CADPS2: variants seen among roughly 807,000 people sequenced by gnomAD.
The protein encoded by CADPS2 is calcium dependent secretion activator 2.
CADPS2 carries 93 observed loss-of-function variants against 172.5 expected under a neutral mutation model. That is an observed-to-expected ratio of 0.54 (90% CI 0.46 to 0.64). The LOEUF (loss-of-function observed/expected upper bound fraction) is 0.64. Ranked by LOEUF, CADPS2 falls within the 30% of genes least tolerant of loss-of-function variation. The probability of loss-of-function intolerance (pLI) is 0.00; values close to 1 mark genes in which losing one functional copy is unlikely to be tolerated. For missense variants in CADPS2, 1,420 were observed against 1,565.9 expected (o/e 0.91, Z 1.57); for synonymous variants, 546 against 555.2 (o/e 0.98, Z 0.23).
chr7:122,342,094 TAA>T (rs1176475725), intron 28 of CADPS2, among the ~76,000 whole-genome samples: 2 of 152,170 alleles, frequency 1.3e-5, no homozygotes, highest in Non-Finnish European at 1.5e-5. Context: ...AGATTTGATG[TAA>T]AAAAATTAAA....
Position 122,737,072 on chromosome 7 carries a change from C to A in CADPS2, c.340-4G>T. 1.3e-6 allele frequency: 2 copies of A among 1,530,964 alleles called. No homozygotes were observed. Among genetic ancestry groups the A allele is most frequent in the African/African-American group, 1.4e-5 (1 of 72,792 alleles). 94.8% of individuals were successfully genotyped at this position (1,530,964 alleles called of 1,614,324 possible). On this transcript the variant is annotated splice_region_variant and splice_polypyrimidine_tract_variant and intron_variant, in intron 1 of 29. Transcript: ENST00000449022. ...ACTGCAACTGTTGTTTGTTAAGCTA[C>A]AAGAAAAAGAGAAAATAAGCAGATA...
chr7:122,367,324 G>A (rs1002659550), intron 25 of CADPS2, among the ~76,000 whole-genome samples: 7 of 151,802 alleles, frequency 4.6e-5, no homozygotes, highest in Non-Finnish European at 8.8e-5. Flanking sequence ...ATATATACCC[G>A]TATATCTGTA....
chr7:122,321,728 C>T (rs1393538863), intron 29 of CADPS2, among the ~76,000 whole-genome samples: 1 of 151,920 alleles, frequency 6.6e-6, no homozygotes, highest in Non-Finnish European at 1.5e-5. Context: ...GATCCGCCCA[C>T]CCCAGCCTCC....
chr7:122,358,656 A>T (rs2151110811), intron 27 of CADPS2, among the ~76,000 whole-genome samples: 2 of 152,238 alleles, frequency 1.3e-5, no homozygotes, highest in East Asian at 3.9e-4. Context: ...TTTTCTCATG[A>T]GACTCTCTTA....
chr7:122,880,602 G>A (rs1310938588), intron 1 of CADPS2, among the ~76,000 whole-genome samples: 2 of 152,094 alleles, frequency 1.3e-5, no homozygotes, highest in African/African-American at 4.8e-5. Flanking sequence ...AACCTTGACT[G>A]TACACTGAAA....
chr7:122,455,687 T>C (rs1321627263), intron 14 of CADPS2, among the ~76,000 whole-genome samples: 1 of 152,134 alleles, frequency 6.6e-6, no homozygotes, highest in Non-Finnish European at 1.5e-5. Flanking sequence ...TAACAGGGTA[T>C]AAATTATTTG....
chr7:122,501,900 G>GAAAAAAAAAAAAAAAAAAAAAA (rs377560103), intron 9 of CADPS2, among the ~76,000 whole-genome samples: 2 of 136,666 alleles, frequency 1.5e-5, no homozygotes, highest in African/African-American at 2.7e-5. Context: ...AAAAAAAAAG[G>GAAAAAAAAAAAAAAAAAAAAAA]AAAAAAAAAG....
intron 6 of CADPS2, among the ~76,000 whole-genome samples, chr7:122,593,530 G>A (rs765773958): frequency 2.0e-5 from 3 of 151,926 alleles, no homozygotes; most frequent in Non-Finnish European, 2.9e-5. Context: ...CAATGAAAAT[G>A]ATTCATGTTA....
At chr7:122,528,534 T>A (rs189397952) in intron 8 of CADPS2, among the ~76,000 whole-genome samples, 15 of 152,240 alleles carry the variant, frequency 9.9e-5, no homozygotes, top group African/African-American at 3.6e-4. Flanking sequence ...GGAGAATGAA[T>A]AACTAAGTAA....
chr7:122,629,040 T>C (rs2076330666), intron 4 of CADPS2, among the ~76,000 whole-genome samples: 1 of 152,016 alleles, frequency 6.6e-6, no homozygotes, highest in Non-Finnish European at 1.5e-5. Context: ...AGTTCACATA[T>C]TAAGGATGAG....
chr7:122,720,981 T>A (rs937111853), intron 2 of CADPS2, among the ~76,000 whole-genome samples: 22 of 152,162 alleles, frequency 1.4e-4, no homozygotes, highest in African/African-American at 5.1e-4. Flanking sequence ...TTAACATACT[T>A]AATCTTAATT....
intron 3 of CADPS2, among the ~76,000 whole-genome samples, chr7:122,657,652 T>A (rs564749182): frequency 2.6e-5 from 4 of 152,214 alleles, no homozygotes; most frequent in Non-Finnish European, 5.9e-5. Context: ...TTTTTGCACA[T>A]TGATTTTGTA....
At chr7:122,402,796 G>A (rs1357682733) in intron 20 of CADPS2, among the ~76,000 whole-genome samples, 1 of 152,120 alleles carries the variant, frequency 6.6e-6, no homozygotes, top group Non-Finnish European at 1.5e-5. Context: ...GACTGATGCC[G>A]ATGTAAGCAA....
At chr7:122,675,043 GA>G (rs753189910) in intron 2 of CADPS2, among the ~76,000 whole-genome samples, 64 of 152,030 alleles carry the variant, frequency 4.2e-4, no homozygotes, top group Non-Finnish European at 7.9e-4. Flanking sequence ...TTTTTACGTG[GA>G]AACATTTTAC....
chr7:122,499,526 C>G (rs2059026688), intron 9 of CADPS2, among the ~76,000 whole-genome samples: 1 of 152,074 alleles, frequency 6.6e-6, no homozygotes, highest in Admixed American at 6.6e-5. Flanking sequence ...AAAAGGAATT[C>G]TTAATATTAC....
chr7:122,479,967 C>T (rs1049505745), intron 12 of CADPS2, among the ~76,000 whole-genome samples: 2 of 152,128 alleles, frequency 1.3e-5, no homozygotes, highest in African/African-American at 4.8e-5. Context: ...TTATGTGACA[C>T]ACACATTGTA....
At chr7:122,408,045 G>A (rs1180333676) in intron 19 of CADPS2, among the ~76,000 whole-genome samples, 3 of 151,952 alleles carry the variant, frequency 2.0e-5, no homozygotes, top group East Asian at 3.9e-4. Context: ...ATTTTTTGGT[G>A]TATTTACTTC....
intron 24 of CADPS2, among the ~76,000 whole-genome samples, chr7:122,380,065 A>G (rs963557869): frequency 2.0e-5 from 3 of 152,126 alleles, no homozygotes; most frequent in Admixed American, 6.6e-5. Context: ...CTCACTCCCC[A>G]TAGTTTTATT....
At chr7:122,765,854 G>A (rs1793259073) in intron 1 of CADPS2, among the ~76,000 whole-genome samples, 2 of 152,062 alleles carry the variant, frequency 1.3e-5, no homozygotes, top group Non-Finnish European at 2.9e-5. Context: ...GGCTGGTTGT[G>A]GAGCTCTTAT....
Sources: allele counts gnomAD v4.1 joint callset (sites outside exome capture counted in the v4.1 genomes callset), GRCh38; gene constraint gnomAD v4.1.1; transcripts MANE v1.5; gene names NCBI Gene and HGNC (gene_info 2026-07-23, HGNC 2026-07-21).